CTNNA2: variants seen among roughly 807,000 people sequenced by gnomAD.
CTNNA2 encodes catenin alpha-2.
In CTNNA2, 42 loss-of-function variants were observed where a neutral mutation model predicts 101.0. That is an observed-to-expected ratio of 0.42 (90% CI 0.32 to 0.54). CTNNA2 has a LOEUF of 0.54. Ranked by LOEUF, CTNNA2 falls within the 20% of genes least tolerant of loss-of-function variation. CTNNA2 has a pLI of 0.14. For missense variants in CTNNA2, 871 were observed against 1,223.1 expected, an observed-to-expected ratio of 0.71 and a Z score of 4.29; for synonymous variants, 450 against 456.4, an observed-to-expected ratio of 0.99 and a Z score of 0.18.
chr2:79,944,032 T>C (rs1688328860), intron 7 of CTNNA2, among the ~76,000 whole-genome samples: 1 of 152,162 alleles, frequency 6.6e-6, no homozygotes, highest in Non-Finnish European at 1.5e-5. Flanking sequence ...TGTTTCTAAA[T>C]GAGAATGCTG....
At chr2:79,531,988 A>C (rs1011465798) in intron 1 of CTNNA2, among the ~76,000 whole-genome samples, 1 of 152,070 alleles carries the variant, frequency 6.6e-6, no homozygotes, top group Non-Finnish European at 1.5e-5. Flanking sequence ...ACATTAGTAA[A>C]TATTTTTAAA....
chr2:79,903,829 G>A (rs1231642375), intron 6 of CTNNA2, among the ~76,000 whole-genome samples: 3 of 152,264 alleles, frequency 2.0e-5, no homozygotes, highest in East Asian at 1.9e-4. Flanking sequence ...AGGAGCATGC[G>A]CCTGTGCTTA....
At chr2:80,540,423 C>G (rs981089978) in intron 9 of CTNNA2, among the ~76,000 whole-genome samples, 1 of 151,978 alleles carries the variant, frequency 6.6e-6, no homozygotes, top group South Asian at 2.1e-4. Flanking sequence ...ATGGTGAAAC[C>G]CCATCTCTAC....
intron 3 of CTNNA2, among the ~76,000 whole-genome samples, chr2:79,369,902 A>G (rs981485870): frequency 2.6e-5 from 4 of 152,146 alleles, no homozygotes; most frequent in South Asian, 4.1e-4. Context: ...TAATTTCACA[A>G]TTAATTTTCT....
chr2:79,675,284 T>C (rs1683107677), intron 2 of CTNNA2, among the ~76,000 whole-genome samples: 1 of 152,220 alleles, frequency 6.6e-6, no homozygotes, highest in African/African-American at 2.4e-5. Context: ...TTGGTATTGA[T>C]TCAAATTGTA....
chr2:79,815,496 A>T (rs1411863233), intron 3 of CTNNA2, among the ~76,000 whole-genome samples: 1 of 152,156 alleles, frequency 6.6e-6, no homozygotes, highest in African/African-American at 2.4e-5. Context: ...CAATTATCCC[A>T]GCACCATTTG....
chr2:79,343,314 T>G (rs1354668550), intron 3 of CTNNA2, among the ~76,000 whole-genome samples: 1 of 152,132 alleles, frequency 6.6e-6, no homozygotes, highest in Non-Finnish European at 1.5e-5. Context: ...AGGATATTTA[T>G]CCCACAAATA....
chr2:79,651,501 C>G, intron 1 of CTNNA2, 51 bp from the exon 2 acceptor site: 2 of 1,531,260 alleles, frequency 1.3e-6, no homozygotes, highest in Non-Finnish European at 1.8e-6. Context: ...ACCAAAGTTA[C>G]AATTTATTTC....
chr2:79,686,867 A>G (rs906398661), intron 2 of CTNNA2, among the ~76,000 whole-genome samples: 2 of 152,124 alleles, frequency 1.3e-5, no homozygotes, highest in East Asian at 3.9e-4. Flanking sequence ...AGATAATTAG[A>G]ACTTATGAAT....
intron 9 of CTNNA2, among the ~76,000 whole-genome samples, chr2:80,422,522 G>C (rs983319288): frequency 2.0e-5 from 3 of 151,686 alleles, no homozygotes; most frequent in African/African-American, 4.8e-5. Context: ...GTGATTTCTG[G>C]ATCTCAGTGG....
intron 7 of CTNNA2, among the ~76,000 whole-genome samples, chr2:79,951,851 G>A (rs1167697341): frequency 6.6e-6 from 1 of 152,114 alleles, no homozygotes; most frequent in Non-Finnish European, 1.5e-5. Context: ...TGCCAATGCT[G>A]TCAACTCTAA....
At chr2:79,506,990 T>C (rs1387967802) in intron 5 of CTNNA2, among the ~76,000 whole-genome samples, 1 of 152,192 alleles carries the variant, frequency 6.6e-6, no homozygotes, top group Non-Finnish European at 1.5e-5. Flanking sequence ...TTCAGTTAGC[T>C]TGGGTCTCAG....
At chr2:80,398,918 A>G (rs1381570004) in intron 8 of CTNNA2, among the ~76,000 whole-genome samples, 8 of 151,730 alleles carry the variant, frequency 5.3e-5, no homozygotes, top group African/African-American at 1.9e-4. Flanking sequence ...ATTAGAATCA[A>G]AAATACCAGG....
chr2:79,401,573 C>A lies in CTNNA2; in HGVS notation c.-135+27560C>A, dbSNP rs1678290590. Among the ~76,000 whole-genome samples the A allele has an allele frequency of 2.0e-5, 3 of 151,086 alleles. No individual in the cohort carries two copies. The South Asian group carries it at 6.3e-4, about 32-fold the overall frequency. On this transcript the variant is annotated intron_variant, in intron 4 of 21. Coordinates refer to the CTNNA2 transcript ENST00000466387. The stretch of plus-strand genomic sequence containing the variant: ...CTTTAAATTAGATGTTAATTATAAA[C>A]CCTAGGGAAATCACTAAGAAACAGT...
chr2:79,240,589 G>A (rs1304793325), intron 2 of CTNNA2, among the ~76,000 whole-genome samples: 1 of 152,010 alleles, frequency 6.6e-6, no homozygotes, highest in Admixed American at 6.6e-5. Flanking sequence ...ATTGATTGTT[G>A]GATCAAAGGA....
intron 9 of CTNNA2, among the ~76,000 whole-genome samples, chr2:80,484,634 A>G (rs1686405833): frequency 6.6e-6 from 1 of 152,198 alleles, no homozygotes; most frequent in Non-Finnish European, 1.5e-5. Context: ...TTGTTTTGAT[A>G]CCAAATAATA....
At chr2:80,197,433 G>A (rs1706911371) in intron 7 of CTNNA2, among the ~76,000 whole-genome samples, 1 of 152,142 alleles carries the variant, frequency 6.6e-6, no homozygotes, top group Non-Finnish European at 1.5e-5. Context: ...AAATCAGCAT[G>A]AATTACCTCA....
At chr2:79,667,268 G>A (rs983855794) in intron 2 of CTNNA2, among the ~76,000 whole-genome samples, 5 of 152,196 alleles carry the variant, frequency 3.3e-5, no homozygotes, top group South Asian at 2.1e-4. Context: ...CGTCATGAAG[G>A]TTAACTTTTT....
At chr2:79,609,260 A>G (rs915428659) in intron 1 of CTNNA2, among the ~76,000 whole-genome samples, 4 of 152,004 alleles carry the variant, frequency 2.6e-5, no homozygotes, top group Non-Finnish European at 5.9e-5. Flanking sequence ...TTCTCCTAGA[A>G]TTAAGGCTGT....
Sources: gnomAD v4.1 joint callset for allele counts (sites outside exome capture counted in the v4.1 genomes callset) on GRCh38, gnomAD v4.1.1 for gene constraint, MANE v1.5 for transcripts, NCBI Gene and HGNC (gene_info 2026-07-23, HGNC 2026-07-21) for gene names.